SENP5: variants seen among roughly 807,000 people sequenced by gnomAD.
SENP5 encodes sentrin-specific protease 5.
SENP5 carries 21 observed loss-of-function variants against 74.2 expected under a neutral mutation model. The observed-to-expected ratio is 0.28, with a 90% CI of 0.20 to 0.41. SENP5 has a LOEUF of 0.41. Ranked by LOEUF, SENP5 falls within the 10% of genes least tolerant of loss-of-function variation. The probability of loss-of-function intolerance (pLI) is 1.00; values close to 1 mark genes in which losing one functional copy is unlikely to be tolerated. For missense variants in SENP5, 717 were observed against 889.1 expected, an observed-to-expected ratio of 0.81 and a Z score of 2.46; for synonymous variants, 311 against 312.7, an observed-to-expected ratio of 0.99 and a Z score of 0.06.
At position 196,904,667 on chromosome 3, in the gene SENP5, T is replaced by C. The variant is rs149364820; in HGVS notation, c.1884+1057T>C. On this transcript the variant is annotated intron_variant, in intron 6 of 9. Transcript: ENST00000323460. The stretch of plus-strand genomic sequence containing the variant: ...GCCGGGCTGTGATGGTGGGCGCCTG[T>C]AACCCCAGCTACTTGGGAGGCTGAG... Among the ~76,000 whole-genome samples, 388 of 152,160 alleles carry C rather than the reference T, an allele frequency of 2.5e-3. 4 individuals are homozygous for C. Among genetic ancestry groups the C allele is most frequent in the African/African-American group, 8.5e-3 (353 of 41,524 alleles).
intron 1 of SENP5, among the ~76,000 whole-genome samples, chr3:196,880,506 A>G (rs1314334223): frequency 6.6e-6 from 1 of 152,092 alleles, no homozygotes; most frequent in Non-Finnish European, 1.5e-5. Context: ...TCTTTTTCTG[A>G]ACTGAGACTC....
intron 3 of SENP5, 75 bp downstream of exon 3, chr3:196,899,846 G>T: frequency 6.4e-7 from 1 of 1,571,520 alleles, no homozygotes; most frequent in Non-Finnish European, 8.7e-7. Context: ...TTGATTTACA[G>T]AAGAAAAGAT....
chr3:196,891,668 G>T (rs1205311899), intron 2 of SENP5, among the ~76,000 whole-genome samples: 1 of 152,212 alleles, frequency 6.6e-6, no homozygotes, highest in Non-Finnish European at 1.5e-5. Context: ...ATGTGGTGGT[G>T]CATGCCTGTA....
At position 196,877,191 on chromosome 3, in the gene SENP5, ATATT is replaced by A. The variant is rs565916302; in HGVS notation, c.-31-7953_-31-7950del. Among the ~76,000 whole-genome samples, 19 of 152,028 alleles carry A rather than the reference ATATT, an allele frequency of 1.2e-4. No homozygotes were observed. In the South Asian group the frequency reaches 1.9e-3, roughly 15 times the overall value. On this transcript the variant is annotated intron_variant, in intron 1 of 9. Transcript: ENST00000323460. ...TATTTTTTTTAATTTTTAATTTTAA[ATATT>A]TATTTAGAGATGGAGTCTCACTGTG...
chr3:196,907,453 C>CA (rs71623311), intron 6 of SENP5, among the ~76,000 whole-genome samples: 65,241 of 115,030 alleles, frequency 0.57, 16,804 homozygotes, highest in Non-Finnish European at 0.63. Flanking sequence ...GACTCCGTCT[C>CA]AAAAAAAAAA....
chr3:196,917,501 A>AC (rs1375346788), intron 6 of SENP5, among the ~76,000 whole-genome samples: 3 of 152,208 alleles, frequency 2.0e-5, no homozygotes, highest in Non-Finnish European at 4.4e-5. Flanking sequence ...AAATAAGATT[A>AC]CCTCAAGGCA....
At chr3:196,904,464 A>T (rs1489762437) in intron 6 of SENP5, among the ~76,000 whole-genome samples, 2 of 152,160 alleles carry the variant, frequency 1.3e-5, no homozygotes, top group Non-Finnish European at 2.9e-5. Flanking sequence ...CCTGGTAAAG[A>T]GTTTGGATCA....
intron 6 of SENP5, among the ~76,000 whole-genome samples, chr3:196,910,536 CAG>C (rs1241396549): frequency 6.6e-6 from 1 of 151,380 alleles, no homozygotes; most frequent in Non-Finnish European, 1.5e-5. Flanking sequence ...TTAGTAGACA[CAG>C]GGTTTCGCCG....
intron 1 of SENP5, among the ~76,000 whole-genome samples, chr3:196,880,761 T>A (rs1158219826): frequency 2.7e-5 from 4 of 149,722 alleles, no homozygotes; most frequent in Non-Finnish European, 5.9e-5. Context: ...CCTGCCTCAG[T>A]CTCCCGAGTA....
At chr3:196,868,245 C>T (rs549548334) in intron 1 of SENP5, among the ~76,000 whole-genome samples, 172 bp downstream of exon 1, 1 of 152,346 alleles carries the variant, frequency 6.6e-6, no homozygotes, top group South Asian at 2.1e-4. Flanking sequence ...CCTCCCTTTC[C>T]GGGGGAGGCG....
chr3:196,888,223 G>T (rs183093948), intron 2 of SENP5, among the ~76,000 whole-genome samples: 1 of 152,242 alleles, frequency 6.6e-6, no homozygotes, highest in East Asian at 1.9e-4. Context: ...GCCCATTCAG[G>T]CAATAGTTTG....
intron 7 of SENP5, among the ~76,000 whole-genome samples, chr3:196,924,592 T>G (rs946107389): frequency 1.5e-5 from 2 of 136,360 alleles, no homozygotes; most frequent in African/African-American, 5.8e-5. Flanking sequence ...TATGTAAGTG[T>G]AAGGAAATAG....
At position 196,922,104 on chromosome 3, in the gene SENP5, C is replaced by T. The variant is rs143708750; in HGVS notation, c.1885-1310C>T. Among the ~76,000 whole-genome samples the T allele has an allele frequency of 3.9e-5, 6 of 152,288 alleles. No homozygotes were observed. In the East Asian group the frequency reaches 5.8e-4, roughly 15 times the overall value. On this transcript the variant is annotated intron_variant, in intron 6 of 9. Transcript: ENST00000323460. The stretch of plus-strand genomic sequence containing the variant: ...TCAAAGATGTTTTTCTCAATTTTGA[C>T]ATTTGAGAGACCCAAGCAAGTAATC...
intron 6 of SENP5, among the ~76,000 whole-genome samples, chr3:196,904,015 G>A (rs1714805580): frequency 6.6e-6 from 1 of 152,252 alleles, no homozygotes; most frequent in Admixed American, 6.5e-5. Flanking sequence ...GCCAGATCCT[G>A]TCTCTTAAAA....
At chr3:196,879,791 A>G (rs1181062480) in intron 1 of SENP5, among the ~76,000 whole-genome samples, 1 of 152,146 alleles carries the variant, frequency 6.6e-6, no homozygotes, top group East Asian at 1.9e-4. Context: ...TCAGTCTGTC[A>G]TTTTGTGGTA....
intron 1 of SENP5, among the ~76,000 whole-genome samples, chr3:196,878,352 C>CT (rs974908872): frequency 1.4e-4 from 21 of 152,132 alleles, no homozygotes; most frequent in Admixed American, 3.9e-4. Flanking sequence ...TAACTAGAGA[C>CT]TTACTATCTG....
chr3:196,926,698 G>T (rs952685389), intron 7 of SENP5, among the ~76,000 whole-genome samples: 5 of 149,260 alleles, frequency 3.3e-5, no homozygotes, highest in Non-Finnish European at 5.9e-5. Context: ...GAGTGCAGTG[G>T]CCCAGTCTTG....
chr3:196,913,255 A>G (rs181037728), intron 6 of SENP5: 294 of 152,306 alleles, frequency 1.9e-3, no homozygotes, highest in African/African-American at 6.8e-3. Flanking sequence ...TGGTTCAGGA[A>G]TATTTGTAAA....
At chr3:196,873,829 C>T (rs1055461039) in intron 1 of SENP5, among the ~76,000 whole-genome samples, 1 of 152,060 alleles carries the variant, frequency 6.6e-6, no homozygotes, top group African/African-American at 2.4e-5. Context: ...CATAGTGAGA[C>T]TCCATCTCAA....
Sources: allele counts gnomAD v4.1 joint callset (sites outside exome capture counted in the v4.1 genomes callset), GRCh38; gene constraint gnomAD v4.1.1; transcripts MANE v1.5; gene names NCBI Gene and HGNC (gene_info 2026-07-23, HGNC 2026-07-21).